Variants in NDST3 observed in about 807,000 individuals in gnomAD.
NDST3 encodes N-deacetylase and N-sulfotransferase 3.
In NDST3, 58 loss-of-function variants were observed where a neutral mutation model predicts 96.1. The observed-to-expected ratio is 0.60, with a 90% confidence interval of 0.49 to 0.75. NDST3 has a LOEUF of 0.75. NDST3 is among the 30% of genes least tolerant of loss of function. The pLI is 0.00. For missense variants in NDST3, 788 were observed against 1,034.2 expected (o/e 0.76, Z 3.27); for synonymous variants, 333 against 359.7 (o/e 0.93, Z 0.84).
In NDST3 at chr4:118,243,795, G is replaced by A. The variant is rs1202324942; in HGVS notation, c.2399+1646G>A. Among the ~76,000 whole-genome samples, 17 of 151,950 alleles carry A rather than the reference G, an allele frequency of 1.1e-4. 1 individual carries two copies. Among genetic ancestry groups the A allele is most frequent in the Admixed American group, 9.8e-4 (15 of 15,262 alleles). ...TGCTTTTTCTTATGGGATGGTCCTT[G>A]ACCTGCATGCTGTGTATTTGTCCCC... On this transcript the variant is annotated intron_variant, in intron 12 of 13. Coordinates refer to ENST00000296499, the MANE Select transcript of NDST3 (RefSeq NM_004784.3).
At chr4:118,244,912 A>C (rs917651319) in intron 12 of NDST3, among the ~76,000 whole-genome samples, 1 of 152,176 alleles carries the variant, frequency 6.6e-6, no homozygotes, top group Non-Finnish European at 1.5e-5. Context: ...TGATTTTCTC[A>C]GTGATTGTGT....
chr4:118,105,811 T>C (rs570528420), intron 3 of NDST3, among the ~76,000 whole-genome samples: 1 of 152,326 alleles, frequency 6.6e-6, no homozygotes, highest in African/African-American at 2.4e-5. Flanking sequence ...GACTTGAGTA[T>C]TCTTTTCTGT....
chr4:118,088,450 T>A (rs1301948589), intron 2 of NDST3, among the ~76,000 whole-genome samples: 3 of 152,058 alleles, frequency 2.0e-5, no homozygotes, highest in African/African-American at 7.2e-5. Flanking sequence ...TGCACTTTGT[T>A]TTCTCAGCTG....
intron 6 of NDST3, among the ~76,000 whole-genome samples, chr4:118,211,805 T>TA (rs533194100): frequency 0.013 from 1,941 of 152,304 alleles, 22 homozygotes; most frequent in Non-Finnish European, 0.021. Context: ...TCTGTGTAAC[T>TA]AGGCTCTCAT....
At chr4:118,179,169 C>A (rs1163598811) in intron 6 of NDST3, among the ~76,000 whole-genome samples, 2 of 151,838 alleles carry the variant, frequency 1.3e-5, no homozygotes, top group South Asian at 2.1e-4. Context: ...GGGGGAGACA[C>A]TATTTCTGTC....
intron 9 of NDST3, among the ~76,000 whole-genome samples, chr4:118,236,132 G>T (rs1740630062): frequency 6.6e-6 from 1 of 152,172 alleles, no homozygotes; most frequent in Admixed American, 6.5e-5. Context: ...AATGGCTTAT[G>T]AATTGAAGGG....
upstream of NDST3, among the ~76,000 whole-genome samples, chr4:118,033,388 G>C (rs1167311488): frequency 6.6e-6 from 1 of 152,088 alleles, no homozygotes; most frequent in African/African-American, 2.4e-5. Context: ...TTCATCCTTG[G>C]CGGCCGCCGC....
chr4:118,068,125 G>A (rs1184978793), intron 2 of NDST3, among the ~76,000 whole-genome samples: 1 of 147,992 alleles, frequency 6.8e-6, no homozygotes, highest in Non-Finnish European at 1.5e-5. Context: ...AATCCTTCTG[G>A]TCACTTACAT....
chr4:118,117,355 A>G (rs1034678891), intron 4 of NDST3, among the ~76,000 whole-genome samples: 1 of 152,104 alleles, frequency 6.6e-6, no homozygotes, highest in African/African-American at 2.4e-5. Flanking sequence ...TGCCATCTTT[A>G]ATTTTTGCCC....
rs1738839003 is a variant in NDST3 at position 118,212,104 on chromosome 4, A to G, written c.1540-12387A>G. 2.0e-5 allele frequency among the ~76,000 whole-genome samples: 3 copies of G among 152,216 alleles called. No individual in the cohort carries two copies. In the South Asian group the frequency reaches 6.2e-4, roughly 31 times the overall value. On this transcript the variant is annotated intron_variant, in intron 6 of 13. Transcript: ENST00000296499. ...GGGCATCTTTTTGGATCTAATTAGA[A>G]GAGGGATACAGTTAGTTGGGTTCAC...
At chr4:118,111,493 T>C (rs1451317640) in intron 3 of NDST3, among the ~76,000 whole-genome samples, 1 of 151,910 alleles carries the variant, frequency 6.6e-6, no homozygotes, top group Non-Finnish European at 1.5e-5. Context: ...CCAAATGTAA[T>C]TAACCCATAG....
chr4:118,225,432 C>A (rs1739810745), intron 7 of NDST3, among the ~76,000 whole-genome samples: 2 of 152,286 alleles, frequency 1.3e-5, no homozygotes, highest in South Asian at 4.1e-4. Context: ...TTAATCCTCA[C>A]AACTACCTTA....
chr4:118,105,236 T>C, intron 3 of NDST3, 131 bp downstream of exon 3: 1 of 590,566 alleles, frequency 1.7e-6, no homozygotes, highest in Non-Finnish European at 2.9e-6. Flanking sequence ...TCAATTCTAT[T>C]TAACATGCTA....
intron 1 of NDST3, among the ~76,000 whole-genome samples, chr4:118,050,334 C>G (rs773942714): frequency 1.4e-4 from 21 of 151,998 alleles, no homozygotes; most frequent in Admixed American, 2.0e-4. Context: ...GATAAGGATG[C>G]CCACCCTCAC....
At chr4:118,067,813 TA>T (rs916858197) in intron 2 of NDST3, among the ~76,000 whole-genome samples, 14 of 151,824 alleles carry the variant, frequency 9.2e-5, no homozygotes, top group African/African-American at 3.1e-4. Flanking sequence ...ATGCTGGGCT[TA>T]AAACCTAGGT....
intron 12 of NDST3, among the ~76,000 whole-genome samples, chr4:118,248,888 C>T (rs541743399): frequency 4.7e-4 from 72 of 152,286 alleles, no homozygotes; most frequent in African/African-American, 1.7e-3. Flanking sequence ...TATGATGGTT[C>T]TCCATGAAGG....
In NDST3 at chr4:118,165,666, G is replaced by A. The variant is rs185241226; in HGVS notation, c.1539+21982G>A. Reference sequence around the variant, plus strand: ...ACATTCCAGGATAGATTACATGTTGGATCACAAAATAAGTCTCTTTTCAGA... The same window carrying A: ...ACATTCCAGGATAGATTACATGTTGAATCACAAAATAAGTCTCTTTTCAGA... On this transcript the variant is annotated intron_variant, in intron 6 of 13. Coordinates refer to ENST00000296499, the MANE Select transcript of NDST3 (RefSeq NM_004784.3). 3.2e-4 allele frequency among the ~76,000 whole-genome samples: 48 copies of A among 152,062 alleles called. No individual in the cohort carries two copies. The East Asian group carries it at 8.5e-3, about 27-fold the overall frequency.
chr4:118,143,020 G>A (rs1733678395), intron 5 of NDST3, among the ~76,000 whole-genome samples: 1 of 152,140 alleles, frequency 6.6e-6, no homozygotes, highest in Non-Finnish European at 1.5e-5. Flanking sequence ...GCCTGCAGTA[G>A]TCCTTTCAGA....
At chr4:118,132,491 C>T (rs1454141751) in intron 4 of NDST3, among the ~76,000 whole-genome samples, 2 of 152,188 alleles carry the variant, frequency 1.3e-5, no homozygotes, top group South Asian at 2.1e-4. Context: ...ACAGAAGGTC[C>T]GGAAATGCTG....
Sources: gnomAD v4.1 joint callset for allele counts (sites outside exome capture counted in the v4.1 genomes callset) on GRCh38, gnomAD v4.1.1 for gene constraint, MANE v1.5 for transcripts, NCBI Gene and HGNC (gene_info 2026-07-23, HGNC 2026-07-21) for gene names.